Variants in ERC2 observed in about 807,000 individuals in gnomAD.
ERC2 encodes ELKS/RAB6-interacting/CAST family member 2, also known as ERC protein 2.
In ERC2, 42 loss-of-function variants were observed where a neutral mutation model predicts 114.8. The observed-to-expected ratio is 0.37, with a 90% CI of 0.29 to 0.47. The LOEUF (loss-of-function observed/expected upper bound fraction) is 0.47, where lower values mean the gene tolerates loss of function less well. Among genes scored for constraint, ERC2 ranks in the 20% least tolerant of loss-of-function variants. ERC2 has a pLI of 0.99. For missense variants in ERC2, 939 were observed against 1,150.7 expected, an observed-to-expected ratio of 0.82 and a Z score of 2.66; for synonymous variants, 454 against 425.5, an observed-to-expected ratio of 1.07 and a Z score of -0.82.
intron 1 of ERC2, among the ~76,000 whole-genome samples, chr3:56,437,611 C>G (rs1387290349): frequency 6.6e-6 from 1 of 152,182 alleles, no homozygotes; most frequent in African/African-American, 2.4e-5. Context: ...ACACCTGTTT[C>G]TAACTAAAGA....
intron 4 of ERC2, among the ~76,000 whole-genome samples, chr3:56,159,362 C>A (rs574525803): frequency 4.0e-4 from 61 of 152,224 alleles, no homozygotes; most frequent in Non-Finnish European, 7.5e-4. Context: ...TCTCTCTTCC[C>A]AGAACAAATG....
chr3:56,231,572 T>C (rs1221486035), intron 3 of ERC2, among the ~76,000 whole-genome samples: 1 of 152,226 alleles, frequency 6.6e-6, no homozygotes, highest in Non-Finnish European at 1.5e-5. Flanking sequence ...TGACAGTTCA[T>C]GATGTAAGTA....
intron 13 of ERC2, among the ~76,000 whole-genome samples, chr3:55,907,663 G>C (rs2064541038): frequency 6.6e-6 from 1 of 152,194 alleles, no homozygotes; most frequent in South Asian, 2.1e-4. Flanking sequence ...CAGACGCTGA[G>C]TTTGGACTGA....
chr3:55,867,188 C>G (rs1486577234), intron 14 of ERC2, among the ~76,000 whole-genome samples: 1 of 151,704 alleles, frequency 6.6e-6, no homozygotes, highest in Non-Finnish European at 1.5e-5. Flanking sequence ...CTGCCTTTTT[C>G]CCTTATTTAC....
chr3:55,616,267 A>G (rs970798114), intron 17 of ERC2, among the ~76,000 whole-genome samples: 1 of 152,026 alleles, frequency 6.6e-6, no homozygotes, highest in Admixed American at 6.5e-5. Flanking sequence ...CTAACTCCTG[A>G]GGAACCAAGA....
chr3:55,887,632 C>A (rs1182891166), intron 14 of ERC2, among the ~76,000 whole-genome samples: 1 of 152,196 alleles, frequency 6.6e-6, no homozygotes, highest in African/African-American at 2.4e-5. Flanking sequence ...ATTAAAATTT[C>A]TCAGTAATTT....
intron 17 of ERC2, among the ~76,000 whole-genome samples, chr3:55,538,470 A>G (rs1390118798): frequency 2.0e-5 from 3 of 152,214 alleles, no homozygotes; most frequent in South Asian, 4.1e-4. Flanking sequence ...CCTGTCCCAC[A>G]CTGGGGACTG....
At chr3:55,988,740 G>A (rs769524382) in intron 11 of ERC2, among the ~76,000 whole-genome samples, 7 of 152,120 alleles carry the variant, frequency 4.6e-5, no homozygotes, top group Non-Finnish European at 1.0e-4. Flanking sequence ...TCAATTTTTG[G>A]TTTTCAAAAT....
In ERC2 at chr3:55,837,114, G is replaced by A. The variant is rs555174309; in HGVS notation, c.2564+51275C>T. Among the ~76,000 whole-genome samples the A allele has an allele frequency of 3.2e-4, 48 of 152,278 alleles. No individual in the cohort carries two copies. In the East Asian group the frequency reaches 7.3e-3, roughly 23 times the overall value. On this transcript the variant is annotated intron_variant, in intron 14 of 17. Coordinates refer to ENST00000288221, the MANE Select transcript of ERC2 (RefSeq NM_015576.3). ...AAAAAGCCAGGAAACAACAGGTGCT[G>A]GAGAGGATGTGGAGAAATAGGAACA...
intron 17 of ERC2, among the ~76,000 whole-genome samples, chr3:55,627,988 T>A (rs2059589357): frequency 6.6e-6 from 1 of 151,988 alleles, no homozygotes; most frequent in Non-Finnish European, 1.5e-5. Context: ...GGCTTTCTAT[T>A]TAATTTTGAG....
chr3:56,176,213 T>A (rs2082969314), intron 3 of ERC2, among the ~76,000 whole-genome samples: 1 of 152,182 alleles, frequency 6.6e-6, no homozygotes, highest in South Asian at 2.1e-4. Context: ...AGGAATGCAA[T>A]TCATAATAAT....
At chr3:55,640,343 C>T (rs971711767) in intron 17 of ERC2, among the ~76,000 whole-genome samples, 5 of 152,176 alleles carry the variant, frequency 3.3e-5, no homozygotes, top group Non-Finnish European at 7.3e-5. Context: ...TATATTATTG[C>T]CTTCTCTGCC....
chr3:55,757,365 TC>T (rs745819603), intron 14 of ERC2, among the ~76,000 whole-genome samples: 5 of 152,192 alleles, frequency 3.3e-5, no homozygotes, highest in African/African-American at 4.8e-5. Context: ...CACACTGGTC[TC>T]TCTATCTCAA....
intron 17 of ERC2, among the ~76,000 whole-genome samples, chr3:55,543,437 G>T (rs2054534573): frequency 6.6e-6 from 1 of 152,218 alleles, no homozygotes; most frequent in Non-Finnish European, 1.5e-5. Flanking sequence ...AAAGATGAGT[G>T]AGTGGCCAGG....
chr3:55,586,813 T>C (rs529949004), intron 17 of ERC2, among the ~76,000 whole-genome samples: 7 of 152,342 alleles, frequency 4.6e-5, no homozygotes, highest in Admixed American at 2.6e-4. Context: ...GAGAACAAAA[T>C]TGAAAACAAA....
intron 6 of ERC2, among the ~76,000 whole-genome samples, chr3:56,099,761 G>C (rs2149801762): frequency 6.6e-6 from 1 of 152,300 alleles, no homozygotes; most frequent in East Asian, 1.9e-4. Context: ...TGAAGTAAAG[G>C]ATATGTGAAG....
chr3:56,057,932 C>G (rs1327976317), intron 7 of ERC2, among the ~76,000 whole-genome samples: 1 of 151,992 alleles, frequency 6.6e-6, no homozygotes, highest in Non-Finnish European at 1.5e-5. Context: ...TATAAATATT[C>G]AAATATGAGA....
At chr3:55,783,371 G>A in intron 14 of ERC2, among the ~76,000 whole-genome samples, 1 of 152,162 alleles carries the variant, frequency 6.6e-6, no homozygotes, top group East Asian at 1.9e-4. Context: ...CTAAGGTAAG[G>A]TCTAAGGTAA....
At chr3:56,110,416 GA>G (rs747288612) in intron 6 of ERC2, among the ~76,000 whole-genome samples, 4 of 152,092 alleles carry the variant, frequency 2.6e-5, no homozygotes, top group Non-Finnish European at 5.9e-5. Context: ...TGTGGCAAGG[GA>G]AATCATGACA....
Sources: allele counts gnomAD v4.1 joint callset (sites outside exome capture counted in the v4.1 genomes callset), GRCh38; gene constraint gnomAD v4.1.1; transcripts MANE v1.5; gene names NCBI Gene and HGNC (gene_info 2026-07-23, HGNC 2026-07-21).